PDCL3: variants seen among roughly 807,000 people sequenced by gnomAD.
PDCL3 encodes phosducin like 3.
In PDCL3, 22 loss-of-function variants were observed where a neutral mutation model predicts 26.5. That is an observed-to-expected ratio of 0.83 (90% confidence interval 0.59 to 1.19). The LOEUF is 1.19. Among genes scored for constraint, PDCL3 ranks in the 50% most tolerant of loss-of-function variants. PDCL3 has a pLI of 0.00. For missense variants in PDCL3, 246 were observed against 294.1 expected (o/e 0.84, Z 1.20); for synonymous variants, 81 against 104.9 (o/e 0.77, Z 1.39).
intron 5 of PDCL3, among the ~76,000 whole-genome samples, chr2:100,574,311 A>G (rs1675237759): frequency 6.6e-6 from 1 of 151,186 alleles, no homozygotes; most frequent in Admixed American, 6.6e-5. Context: ...ATCTGGCTGG[A>G]TATAAATTCT....
At chr2:100,563,287 G>A in intron 1 of PDCL3, 1 of 521,436 alleles carries the variant, frequency 1.9e-6, no homozygotes, top group Non-Finnish European at 3.3e-6. Flanking sequence ...CGGTGTGCCG[G>A]GTCCCCCAAA....
chr2:100,570,524 G>A (rs939786703), intron 4 of PDCL3, among the ~76,000 whole-genome samples: 12 of 150,496 alleles, frequency 8.0e-5, no homozygotes, highest in African/African-American at 2.5e-4. Context: ...CATTGACCAG[G>A]CTGGAGTGCA....
At chr2:100,575,888 G>GGATAGGTTTATTCC (rs1424716046) in intron 5 of PDCL3, among the ~76,000 whole-genome samples, 1 of 152,046 alleles carries the variant, frequency 6.6e-6, no homozygotes, top group Non-Finnish European at 1.5e-5. Flanking sequence ...AGTCATCAGA[G>GGATAGGTTTATTCC]GATAGGTTTA....
intron 1 of PDCL3, chr2:100,563,342 G>C: frequency 2.3e-6 from 1 of 440,338 alleles, no homozygotes; most frequent in Non-Finnish European, 4.0e-6. Flanking sequence ...CTACCCACCC[G>C]GGCCTGTGAA....
chr2:100,570,715 A>T (rs915892271), intron 4 of PDCL3, among the ~76,000 whole-genome samples: 17 of 151,846 alleles, frequency 1.1e-4, no homozygotes, highest in Non-Finnish European at 1.9e-4. Flanking sequence ...TGACCTCATG[A>T]TCCACTCATC....
intron 1 of PDCL3, chr2:100,563,307 C>T (rs1674990006): frequency 2.0e-6 from 1 of 493,344 alleles, no homozygotes; most frequent in Non-Finnish European, 3.6e-6. Flanking sequence ...ACCTCGTCCT[C>T]CGGGACTATG....
chr2:100,573,183 G>A (rs1675212627), intron 5 of PDCL3, among the ~76,000 whole-genome samples: 1 of 151,966 alleles, frequency 6.6e-6, no homozygotes, highest in Non-Finnish European at 1.5e-5. Flanking sequence ...GCGCCCGGCT[G>A]TGTTTTTAAA....
intron 1 of PDCL3, chr2:100,563,350 G>A: frequency 2.3e-6 from 1 of 429,216 alleles, no homozygotes; most frequent in East Asian, 3.9e-5. Flanking sequence ...CCGGGCCTGT[G>A]AAGGTCTTGC....
At position 100,566,690 on chromosome 2, in the gene PDCL3, G is replaced by A. The variant is rs1351386187; in HGVS notation, c.133+61G>A. The A allele has an allele frequency of 2.5e-6, 4 of 1,594,628 alleles. No homozygotes were observed. The African/African-American group carries it at 4.0e-5, about 16-fold the overall frequency. On this transcript the variant is annotated intron_variant, in intron 2 of 5. Transcript: ENST00000264254. ...TTAGGAGATGGCTCCCTAAGCCTCT[G>A]ACTGCCCTGCCAGGAGACAGGTTGG...
chr2:100,563,769 A>C (rs1312736867), intron 1 of PDCL3, among the ~76,000 whole-genome samples: 2 of 151,898 alleles, frequency 1.3e-5, no homozygotes, highest in East Asian at 3.9e-4. Flanking sequence ...TGCCAACTAA[A>C]TTTTGTCACT....
In PDCL3 at chr2:100,576,345, A is replaced by G. The variant is rs781713322; in HGVS notation, c.578-9A>G. The G allele has an allele frequency of 6.2e-7, 1 of 1,608,422 alleles. No homozygotes were observed. The highest frequency in any genetic ancestry group is 1.7e-5 in the Admixed American group (1 of 57,406). ...GCCTTAGGCAATTTGCTTTTTCTTT[A>G]CCATATAGAGTTGGAATGGAAACTG... On this transcript the variant is annotated splice_polypyrimidine_tract_variant and intron_variant, in intron 5 of 5. Transcript: ENST00000264254.
chr2:100,563,226 C>T (rs1414051950), intron 1 of PDCL3, 153 bp downstream of exon 1: 10 of 942,102 alleles, frequency 1.1e-5, no homozygotes, highest in Non-Finnish European at 1.4e-5. Context: ...AGGCGCAGTG[C>T]GGGAGGCGGG....
chr2:100,567,886 A>G (rs1675088148), intron 2 of PDCL3, among the ~76,000 whole-genome samples: 1 of 150,628 alleles, frequency 6.6e-6, no homozygotes, highest in Admixed American at 6.6e-5. Flanking sequence ...GCAGTGGCGC[A>G]ATCTTGGCTC....
intron 5 of PDCL3, among the ~76,000 whole-genome samples, chr2:100,573,686 A>G (rs942318010): frequency 1.6e-4 from 24 of 151,922 alleles, no homozygotes; most frequent in Non-Finnish European, 2.8e-4. Flanking sequence ...AAAAAAAAAA[A>G]AAGATATTCA....
chr2:100,571,126 A>AAACAACAACAAAAAAAAAACAC (rs1409370341), intron 4 of PDCL3, among the ~76,000 whole-genome samples: 4 of 142,780 alleles, frequency 2.8e-5, no homozygotes, highest in African/African-American at 1.1e-4. Context: ...AAAAAAAAAA[A>AAACAACAACAAAAAAAAAACAC]AAAAAATCAG....
At chr2:100,573,689 G>C (rs1159452995) in intron 5 of PDCL3, among the ~76,000 whole-genome samples, 1 of 144,628 alleles carries the variant, frequency 6.9e-6, no homozygotes, top group Non-Finnish European at 1.5e-5. Context: ...AAAAAAAAAA[G>C]ATATTCAGCT....
rs1674982280 is a variant in PDCL3 at position 100,563,151 on chromosome 2, C to T, written c.6+78C>T. The T allele has an allele frequency of 5.3e-6, 8 of 1,518,126 alleles. 2 individuals are homozygous for T. Among genetic ancestry groups the T allele is most frequent in the African/African-American group, 4.2e-5 (3 of 70,628 alleles). The allele number at this position is 1,518,126 out of a possible 1,614,324, so 94.0% of individuals were successfully genotyped here. A position where few individuals can be genotyped will look rare whatever the true frequency, so the allele number is the denominator to read the frequency against. The stretch of plus-strand genomic sequence containing the variant: ...GTTAGGCCCGGGCGGGCAGTGGACG[C>T]CCGCCCTGGGGGAAGCTCCGGCGCC... On this transcript the variant is annotated intron_variant, in intron 1 of 5. Transcript: ENST00000264254.
Position 100,569,738 on chromosome 2 carries a change from C to T in PDCL3, c.368+17C>T, listed in dbSNP as rs746609736. 3.7e-5 allele frequency: 59 copies of T among 1,599,456 alleles called. No homozygotes were observed. The highest frequency in any genetic ancestry group is 4.9e-5 in the Non-Finnish European group (57 of 1,173,042). Reference sequence around the variant, plus strand: ...CAAACAAGGGTGAGCTGATCTTCCACTCCATCTATCAAATGTTAATTTGAA... The same window carrying T: ...CAAACAAGGGTGAGCTGATCTTCCATTCCATCTATCAAATGTTAATTTGAA... On this transcript the variant is annotated intron_variant, in intron 4 of 5. Transcript: ENST00000264254.
chr2:100,569,801 A>G, intron 4 of PDCL3, 80 bp downstream of exon 4: 1 of 1,509,922 alleles, frequency 6.6e-7, no homozygotes, highest in Admixed American at 2.1e-5. Context: ...CCTATATCAG[A>G]GGGTTAAGAA....
Sources: allele counts gnomAD v4.1 joint callset (sites outside exome capture counted in the v4.1 genomes callset), GRCh38; gene constraint gnomAD v4.1.1; transcripts MANE v1.5; gene names NCBI Gene and HGNC (gene_info 2026-07-23, HGNC 2026-07-21).